The following DCAF12 variants were observed in gnomAD, a reference collection of about 807,000 sequenced individuals.
DCAF12 encodes DDB1- and CUL4-associated factor 12.
A neutral mutation model predicts 52.8 loss-of-function variants in DCAF12; 28 were observed. The ratio of observed to expected loss-of-function variants is 0.53; its 90% confidence interval spans 0.39 to 0.73. The LOEUF (loss-of-function observed/expected upper bound fraction) is 0.73. Among genes scored for constraint, DCAF12 ranks in the 30% least tolerant of loss-of-function variants. The pLI is 0.00. For synonymous variants in DCAF12, 196 were observed against 215.5 expected (o/e 0.91, Z 0.79); for missense variants, 425 against 552.2 (o/e 0.77, Z 2.31).
chr9:34,125,012 C>T lies in DCAF12; in HGVS notation c.333+11G>A, dbSNP rs1301532906. ...ACCTAGGAGAGAGGTCACATCCCCC[C>T]AGGCACTTACCGTGTTGCATTTTGT... On this transcript the variant is annotated intron_variant, in intron 2 of 8. Coordinates refer to ENST00000361264, the MANE Select transcript of DCAF12 (RefSeq NM_015397.4). 3 of 1,612,364 alleles carry T rather than the reference C, an allele frequency of 1.9e-6. No homozygotes were observed. Among genetic ancestry groups the T allele is most frequent in the Non-Finnish European group, 2.5e-6 (3 of 1,179,894 alleles).
chr9:34,126,236 C>T (rs1335826963), intron 1 of DCAF12, 118 bp downstream of exon 1: 4 of 1,287,010 alleles, frequency 3.1e-6, no homozygotes, highest in Non-Finnish European at 3.3e-6. Context: ...TGAACCCATT[C>T]CTGTTTTGCC....
Position 34,125,078 on chromosome 9 carries a change from AAC to A in DCAF12, c.276_277del (p.Phe93CysfsTer8). ...CCTATGATTCAACCACTGAGATGCA[AAC>A]ACTTTATTAAGGGTCCCAAGGTGAA... is the stretch of plus-strand genomic sequence containing the variant. On this transcript the variant is annotated frameshift_variant, in exon 2 of 9. Coordinates refer to ENST00000361264, the MANE Select transcript of DCAF12 (RefSeq NM_015397.4). LOFTEE classifies it high-confidence loss of function. The A allele has an allele frequency of 6.2e-7, 1 of 1,614,034 alleles. No individual in the cohort carries two copies. Among genetic ancestry groups the A allele is most frequent in the Non-Finnish European group, 8.5e-7 (1 of 1,180,008 alleles).
chr9:34,108,548 T>C (rs1374859676), intron 2 of DCAF12, among the ~76,000 whole-genome samples: 1 of 152,008 alleles, frequency 6.6e-6, no homozygotes, highest in East Asian at 1.9e-4. Context: ...TGCCAGCACT[T>C]TAGGAGGCCA....
At chr9:34,107,221 C>T in intron 3 of DCAF12, 138 bp downstream of exon 3, 1 of 789,152 alleles carries the variant, frequency 1.3e-6, no homozygotes, top group Non-Finnish European at 2.1e-6. Flanking sequence ...GTGCTGCTTG[C>T]CCCTTTATCA....
intron 6 of DCAF12, among the ~76,000 whole-genome samples, chr9:34,095,698 A>G (rs989391846): frequency 2.0e-5 from 3 of 152,032 alleles, no homozygotes; most frequent in Non-Finnish European, 4.4e-5. Flanking sequence ...TGGATTTTGG[A>G]GCATTCTGGA....
chr9:34,093,469 T>C lies in DCAF12; in HGVS notation c.862-21A>G, dbSNP rs201335289. The stretch of plus-strand genomic sequence containing the variant: ...AGGAGCTGAAAATAGAGGAGAGATA[T>C]AACCATGGCATCAGCAGAGAGGGTA... On this transcript the variant is annotated intron_variant, in intron 6 of 8. Transcript: ENST00000361264. 38 of 1,612,234 alleles carry C rather than the reference T, an allele frequency of 2.4e-5. No homozygotes were observed. In the African/African-American group the frequency reaches 4.1e-4, roughly 18 times the overall value.
intron 2 of DCAF12, among the ~76,000 whole-genome samples, chr9:34,117,143 A>G (rs1399143561): frequency 1.3e-5 from 2 of 152,246 alleles, no homozygotes; most frequent in Non-Finnish European, 2.9e-5. Flanking sequence ...GTTTCGCCAC[A>G]GAATCATGAC....
At chr9:34,104,982 T>C (rs1828882026) in intron 4 of DCAF12, among the ~76,000 whole-genome samples, 1 of 151,600 alleles carries the variant, frequency 6.6e-6, no homozygotes, top group Non-Finnish European at 1.5e-5. Flanking sequence ...TGATCTCATA[T>C]TAACCAACTA....
At chr9:34,121,860 T>A (rs1019407794) in intron 2 of DCAF12, among the ~76,000 whole-genome samples, 4 of 152,150 alleles carry the variant, frequency 2.6e-5, no homozygotes, top group Admixed American at 2.6e-4. Flanking sequence ...GGAGAATCGA[T>A]TGAACCCAGG....
At chr9:34,090,891 C>A (rs1564093132) in intron 7 of DCAF12, among the ~76,000 whole-genome samples, 1 of 151,926 alleles carries the variant, frequency 6.6e-6, no homozygotes, top group Non-Finnish European at 1.5e-5. Context: ...CTCCTGACCT[C>A]AGGTGATCCA....
intron 4 of DCAF12, among the ~76,000 whole-genome samples, chr9:34,100,013 T>A (rs1225547650): frequency 6.6e-6 from 1 of 152,088 alleles, no homozygotes; most frequent in East Asian, 1.9e-4. Context: ...TAACCTTTTT[T>A]GAGCCTTGGA....
Position 34,126,415 on chromosome 9 carries a change from A to C in DCAF12, c.17T>G (p.Val6Gly), listed in dbSNP as rs892395452. Residue 6 changes from valine (V) to glycine (G), a missense_variant, in exon 1 of 9, where the codon GTT becomes GGT. By Grantham distance (109) the Val-to-Gly change is moderately radical (BLOSUM62 -3). Around this residue, in one of 3 missense-constraint regions of DCAF12, gnomAD observed 89 missense variants for 84.9 expected, o/e 1.05. Transcript: ENST00000361264. ...GGCGGGCGCTTTCCGCTTCCTGCTA[A>C]CTACTTTCCGGGCCATAGTGGGCAG... MARKV[V>G]SRKRKAPASP... The C allele has an allele frequency of 6.2e-7, 1 of 1,608,930 alleles. No individual in the cohort carries two copies. The highest frequency in any genetic ancestry group is 8.5e-7 in the Non-Finnish European group (1 of 1,179,720).
intron 2 of DCAF12, among the ~76,000 whole-genome samples, chr9:34,120,946 G>T (rs751355954): frequency 2.6e-5 from 4 of 151,964 alleles, no homozygotes; most frequent in Non-Finnish European, 5.9e-5. Context: ...CTGAGGTCAG[G>T]AGTTCGAGAC....
rs1407350882 is a variant in DCAF12 at position 34,087,654 on chromosome 9, G to A, written c.*696C>T. The A allele has an allele frequency of 1.3e-5, 2 of 152,106 alleles. No homozygotes were observed. The highest frequency in any genetic ancestry group is 2.9e-5 in the Non-Finnish European group (2 of 68,022). 9.4% of individuals were successfully genotyped at this position (152,106 alleles called of 1,614,324 possible). On this transcript the variant is annotated 3_prime_UTR_variant, in exon 9 of 9. Transcript: ENST00000361264. ...TGGATCACTTTGCAGTCCTGGCATG[G>A]GAGGCCCCAGGAAGCCTACAATCTA...
chr9:34,099,860 G>A (rs534247635), intron 4 of DCAF12, among the ~76,000 whole-genome samples: 2 of 152,248 alleles, frequency 1.3e-5, no homozygotes, highest in African/African-American at 4.8e-5. Context: ...CCAAAGTGCT[G>A]GGATTACAGG....
rs762013826 is a variant in DCAF12 at position 34,122,473 on chromosome 9, A to ATTT, written c.333+2547_333+2549dup. The stretch of plus-strand genomic sequence containing the variant: ...ATATAGGTTCAAGACATTAGTATCA[A>ATTT]TTTTTTTTTTTTTTTTTTTTTGAGA... On this transcript the variant is annotated intron_variant, in intron 2 of 8. Coordinates refer to ENST00000361264, the MANE Select transcript of DCAF12 (RefSeq NM_015397.4). 2.9e-3 allele frequency among the ~76,000 whole-genome samples: 370 copies of ATTT among 127,644 alleles called. 4 individuals are homozygous for ATTT. Among genetic ancestry groups the ATTT allele is most frequent in the Middle Eastern group, 8.4e-3 (2 of 238 alleles). The allele number at this position is 127,644 out of a possible 152,430, so 83.7% of individuals were successfully genotyped here.
At chr9:34,101,012 C>A (rs1403212056) in intron 4 of DCAF12, among the ~76,000 whole-genome samples, 1 of 150,906 alleles carries the variant, frequency 6.6e-6, no homozygotes, top group African/African-American at 2.4e-5. Context: ...CATGGATTTC[C>A]TGAAATCCAT....
chr9:34,089,653 C>G, intron 7 of DCAF12, 63 bp from the exon 8 acceptor site: 1 of 1,488,710 alleles, frequency 6.7e-7, no homozygotes, highest in Non-Finnish European at 9.0e-7. Flanking sequence ...TGTCTGCTAG[C>G]CTGAATTTCT....
intron 8 of DCAF12, among the ~76,000 whole-genome samples, chr9:34,088,953 A>T (rs56145814): frequency 0.091 from 13,748 of 151,710 alleles, 900 homozygotes; most frequent in Non-Finnish European, 0.13. Flanking sequence ...CTACTAAAAA[A>T]AAATAAATTA....
Sources: gnomAD v4.1 joint callset for allele counts (sites outside exome capture counted in the v4.1 genomes callset) on GRCh38, gnomAD v4.1.1 for gene constraint, gnomAD v4.1.1 regional missense constraint, MANE v1.5 for transcripts, NCBI Gene and HGNC (gene_info 2026-07-23, HGNC 2026-07-21) for gene names.